Variants in TENM2 observed in about 807,000 individuals in gnomAD.
TENM2 encodes teneurin-2.
Under a neutral mutation model 245.2 loss-of-function variants are expected in TENM2, and 52 were observed. That is an observed-to-expected ratio of 0.21 (90% CI 0.17 to 0.27). TENM2 has a LOEUF of 0.27. Among genes scored for constraint, TENM2 ranks in the 10% least tolerant of loss-of-function variants. TENM2 has a pLI of 1.00. For missense variants in TENM2, 3,046 were observed against 3,666.8 expected (o/e 0.83, Z 4.37); for synonymous variants, 1,363 against 1,438.9 (o/e 0.95, Z 1.19).
At chr5:167,211,647 C>A in the TENM2 span, among the ~76,000 whole-genome samples, 2 of 152,144 alleles carry the variant, frequency 1.3e-5, no homozygotes, top group African/African-American at 2.4e-5. Flanking sequence ...AGACTATAGT[C>A]TCAGAGGGCA....
chr5:167,133,057 G>A, the TENM2 span, among the ~76,000 whole-genome samples: 1 of 152,216 alleles, frequency 6.6e-6, no homozygotes, highest in Non-Finnish European at 1.5e-5. Context: ...TCATCACAGG[G>A]ACGTGTGGCC....
chr5:167,112,444 A>G, the TENM2 span, among the ~76,000 whole-genome samples: 1 of 152,234 alleles, frequency 6.6e-6, no homozygotes, highest in African/African-American at 2.4e-5. Context: ...AAAAAGGTTC[A>G]TGTACATATG....
the TENM2 span, among the ~76,000 whole-genome samples, chr5:167,009,267 C>T: frequency 5.3e-3 from 806 of 152,300 alleles, 4 homozygotes; most frequent in African/African-American, 0.018. Flanking sequence ...TCCATTCTCT[C>T]CTGTTATAAA....
intron 10 of TENM2, among the ~76,000 whole-genome samples, chr5:168,124,454 C>A (rs1049481622): frequency 6.6e-6 from 1 of 152,180 alleles, no homozygotes; most frequent in Non-Finnish European, 1.5e-5. Flanking sequence ...TCCAGTTTGA[C>A]GACACATGTA....
the TENM2 span, among the ~76,000 whole-genome samples, chr5:167,201,958 G>A: frequency 2.0e-5 from 3 of 152,044 alleles, no homozygotes; most frequent in Non-Finnish European, 4.4e-5. Flanking sequence ...ATAGTGACTG[G>A]TGTCTTGTAT....
the TENM2 span, among the ~76,000 whole-genome samples, chr5:167,228,103 A>G: frequency 1.3e-5 from 2 of 152,110 alleles, no homozygotes; most frequent in African/African-American, 4.8e-5. Flanking sequence ...ATTTCGGCTA[A>G]CTGCAACCTC....
the TENM2 span, among the ~76,000 whole-genome samples, chr5:167,000,380 G>T: frequency 2.6e-5 from 4 of 152,270 alleles, no homozygotes; most frequent in South Asian, 8.3e-4. Flanking sequence ...GCTGTTCATG[G>T]GAAGGTTTAT....
chr5:168,195,759 G>C (rs1398712362), intron 15 of TENM2, among the ~76,000 whole-genome samples: 1 of 152,048 alleles, frequency 6.6e-6, no homozygotes, highest in Admixed American at 6.6e-5. Flanking sequence ...TGTGGCTTTA[G>C]GAGTTGTGTT....
chr5:168,261,047 T>C (rs570447889), intron 28 of TENM2, among the ~76,000 whole-genome samples: 1 of 152,242 alleles, frequency 6.6e-6, no homozygotes, highest in East Asian at 1.9e-4. Flanking sequence ...ATTGTCCAGA[T>C]TGTGTAACTA....
chr5:166,991,315 A>G, the TENM2 span, among the ~76,000 whole-genome samples: 1 of 152,038 alleles, frequency 6.6e-6, no homozygotes. Flanking sequence ...TGAATAGAGA[A>G]TAAGAACATA....
chr5:167,489,310 C>T (rs1200566780), intron 2 of TENM2, among the ~76,000 whole-genome samples: 1 of 152,178 alleles, frequency 6.6e-6, no homozygotes, highest in Admixed American at 6.6e-5. Flanking sequence ...CTTTCCCATT[C>T]CTTCTGTGAT....
In TENM2 at chr5:168,047,671, G is replaced by GA. The variant is rs1175691792; in HGVS notation, c.1309+127dup. ...ATGCCAAAAGAAAAAGAAACGGGGG[G>GA]AAAAATCATTGCCTTTCATAGGTGC... On this transcript the variant is annotated intron_variant, in intron 6 of 28. Coordinates refer to ENST00000518659, the Ensembl canonical transcript of TENM2. 9.8e-6 allele frequency: 12 copies of GA among 1,228,150 alleles called. No homozygotes were observed. In the African/African-American group the frequency reaches 1.1e-4, roughly 11 times the overall value. The allele number at this position is 1,228,150 out of a possible 1,614,324, so 76.1% of individuals were successfully genotyped here.
At chr5:167,752,859 G>A (rs1253554772) in intron 2 of TENM2, among the ~76,000 whole-genome samples, 2 of 152,234 alleles carry the variant, frequency 1.3e-5, no homozygotes, top group African/African-American at 4.8e-5. Flanking sequence ...GTTTAGCCTA[G>A]CATTGCAAGG....
intron 2 of TENM2, among the ~76,000 whole-genome samples, chr5:167,387,924 A>G (rs1761537535): frequency 6.6e-6 from 1 of 152,070 alleles, no homozygotes; most frequent in Non-Finnish European, 1.5e-5. Context: ...GTTAGCTAGT[A>G]TTTTGTTAAG....
intron 2 of TENM2, among the ~76,000 whole-genome samples, chr5:167,701,286 T>A (rs1758124757): frequency 6.6e-6 from 1 of 152,188 alleles, no homozygotes; most frequent in African/African-American, 2.4e-5. Flanking sequence ...ATGAGGCACC[T>A]TTTGGACTTG....
intron 2 of TENM2, among the ~76,000 whole-genome samples, chr5:167,692,998 G>A (rs1382598933): frequency 1.3e-5 from 2 of 152,164 alleles, no homozygotes; most frequent in Non-Finnish European, 1.5e-5. Flanking sequence ...GAGACAAACA[G>A]CCCTGGGTCT....
At chr5:167,399,602 ACTGT>A (rs2127383081) in intron 2 of TENM2, among the ~76,000 whole-genome samples, 1 of 152,264 alleles carries the variant, frequency 6.6e-6, no homozygotes, top group East Asian at 1.9e-4. Context: ...TTGGAATGAG[ACTGT>A]CTGGGTGTAA....
intron 16 of TENM2, 46 bp from the exon 19 acceptor site, chr5:168,199,818 C>T: frequency 6.3e-7 from 1 of 1,586,426 alleles, no homozygotes; most frequent in Non-Finnish European, 8.6e-7. Context: ...AGTTTACCTG[C>T]ACAGGTGTGT....
Position 167,876,339 on chromosome 5 carries a change from C to T in TENM2, c.712+144C>T, listed in dbSNP as rs554132499. ...GTGAAATGCATTTGTCATTTTGTGG[C>T]ATGGTATTTTCAAGATACATCTGTA... On this transcript the variant is annotated intron_variant, in intron 3 of 28. Coordinates refer to ENST00000518659, the Ensembl canonical transcript of TENM2. 1.2e-4 allele frequency: 87 copies of T among 718,434 alleles called. 1 individual carries two copies. The South Asian group carries it at 1.5e-3, about 12-fold the overall frequency. The allele number at this position is 718,434 out of a possible 1,614,324, so 44.5% of individuals were successfully genotyped here.
Sources: gnomAD v4.1 joint callset for allele counts (sites outside exome capture counted in the v4.1 genomes callset) on GRCh38, gnomAD v4.1.1 for gene constraint, MANE v1.5 for transcripts, NCBI Gene and HGNC (gene_info 2026-07-23, HGNC 2026-07-21) for gene names.